Variants in CDH1 observed in about 807,000 individuals in gnomAD.
CDH1 encodes cadherin 1.
Under a neutral mutation model 84.5 loss-of-function variants are expected in CDH1, and 35 were observed. That is an observed-to-expected ratio of 0.41 (90% CI 0.32 to 0.55). The LOEUF (loss-of-function observed/expected upper bound fraction) is 0.55. Among genes scored for constraint, CDH1 ranks in the 20% least tolerant of loss-of-function variants. The pLI is 0.19. For synonymous variants in CDH1, 417 were observed against 439.0 expected (o/e 0.95, Z 0.63); for missense variants, 994 against 1,126.6 (o/e 0.88, Z 1.68).
chr16:68,754,266 C>CCAG (rs1962965596), intron 2 of CDH1, among the ~76,000 whole-genome samples: 1 of 151,896 alleles, frequency 6.6e-6, no homozygotes, highest in Admixed American at 6.6e-5. Flanking sequence ...TAAAAATTAG[C>CCAG]CAGGCCTGGT....
chr16:68,827,441 AT>A (rs35191298), intron 13 of CDH1, among the ~76,000 whole-genome samples: 17 of 148,516 alleles, frequency 1.1e-4, no homozygotes, highest in African/African-American at 3.5e-4. Context: ...TGCTTTAGAG[AT>A]TTTTTTTTTA....
chr16:68,745,522 A>C (rs1431217472), intron 2 of CDH1, among the ~76,000 whole-genome samples: 1 of 121,966 alleles, frequency 8.2e-6, no homozygotes, highest in Admixed American at 8.7e-5. Flanking sequence ...CAGCTGATAG[A>C]GATCCTGTCT....
intron 13 of CDH1, among the ~76,000 whole-genome samples, chr16:68,827,869 T>C (rs1961362213): frequency 6.6e-6 from 1 of 152,216 alleles, no homozygotes; most frequent in African/African-American, 2.4e-5. Context: ...CTGTCCTTAC[T>C]GTTTCCTCTG....
intron 2 of CDH1, among the ~76,000 whole-genome samples, chr16:68,796,879 T>G (rs1161274715): frequency 1.3e-5 from 2 of 152,202 alleles, no homozygotes; most frequent in Non-Finnish European, 2.9e-5. Context: ...TACTTGTATC[T>G]GTAATCCCAG....
intron 2 of CDH1, among the ~76,000 whole-genome samples, chr16:68,783,400 A>AG (rs1288078353): frequency 1.5e-5 from 2 of 135,456 alleles, no homozygotes; most frequent in African/African-American, 5.5e-5. Context: ...AAAAAAAAAA[A>AG]AAAAGAAAAA....
rs863224397 is a variant in CDH1, at chr16:68,810,199, C to G, written c.690C>G (p.Leu230=). 6.2e-7 allele frequency: 1 copy of G among 1,614,174 alleles called. No homozygotes were observed. Among genetic ancestry groups the G allele is most frequent in the Non-Finnish European group, 8.5e-7 (1 of 1,180,026 alleles). ...TCACCCTCACTTGGTTCTTTCAGCT[C>G]TTCTCTCACGCTGTGTCATCCAACG... ...LDRERIATYT[L]FSHAVSSNGN... The change falls in exon 6 of 16, where the codon CTC becomes CTG. Residue 230 remains leucine (L), a splice_region_variant and synonymous_variant. Transcript: ENST00000261769.
chr16:68,761,656 G>C (rs1250031697), intron 2 of CDH1, among the ~76,000 whole-genome samples: 1 of 152,184 alleles, frequency 6.6e-6, no homozygotes, highest in Non-Finnish European at 1.5e-5. Flanking sequence ...GCATTGCTGG[G>C]AAGTACTAGG....
In CDH1 at chr16:68,811,855, G is replaced by A. The variant is rs373364873; in HGVS notation, c.1004G>A (p.Arg335Gln). Reference sequence around the variant, plus strand: ...AGTGTGGTCACCACTGGGCTGGACCGAGAGGTCAGGGGTCAGGAGGATCCA... The same window carrying A: ...AGTGTGGTCACCACTGGGCTGGACCAAGAGGTCAGGGGTCAGGAGGATCCA... The part of the protein sequence containing the change: ...VISVVTTGLD[R>Q]ESFPTYTLVV... Residue 335 changes from arginine (R) to glutamine (Q), a missense_variant, in exon 7 of 16, where the codon CGA becomes CAA. Physicochemically the swap from Arg to Gln is conservative, Grantham distance 43. Around this residue, in one of 3 missense-constraint regions of CDH1, gnomAD observed 769 missense variants for 881.8 expected, o/e 0.87. Transcript: ENST00000261769. 35 of 1,614,082 alleles carry A rather than the reference G, an allele frequency of 2.2e-5. 1 individual carries two copies. The highest frequency in any genetic ancestry group is 6.7e-5 in the Admixed American group (4 of 60,016).
chr16:68,821,366 T>C (rs748958081), intron 11 of CDH1, among the ~76,000 whole-genome samples: 1 of 150,784 alleles, frequency 6.6e-6, no homozygotes, highest in Non-Finnish European at 1.5e-5. Flanking sequence ...TCTCAGCTAC[T>C]AGGGAGGCAG....
rs1960720189 is a variant in CDH1, at chr16:68,808,291, G to T, written c.388-133G>T. 3 of 881,044 alleles carry T rather than the reference G, an allele frequency of 3.4e-6. No homozygotes were observed. The South Asian group carries it at 4.2e-5, about 12-fold the overall frequency. The allele number at this position is 881,044 out of a possible 1,614,324, so 54.6% of individuals were successfully genotyped here. A position where few individuals can be genotyped will look rare whatever the true frequency, so the allele number is the denominator to read the frequency against. Reference sequence around the variant, plus strand: ...TATATATAATTTGTCATTGATAAGAGAATGTGTCATTAAATTCAAACTGTA... The same window carrying T: ...TATATATAATTTGTCATTGATAAGATAATGTGTCATTAAATTCAAACTGTA... On this transcript the variant is annotated intron_variant, in intron 3 of 15. Coordinates refer to ENST00000261769, the MANE Select transcript of CDH1 (RefSeq NM_004360.5).
rs535515382 is a variant in CDH1 at position 68,745,809 on chromosome 16, T to C, written c.163+7398T>C. On this transcript the variant is annotated intron_variant, in intron 2 of 15. Transcript: ENST00000261769. ...ATCTCCAAGGGTGGAGATCTGAACT[T>C]GACATTTACTTACTTATTTATTTTT... 1.2e-4 allele frequency among the ~76,000 whole-genome samples: 18 copies of C among 151,598 alleles called. 1 individual carries two copies. In the Admixed American group the frequency reaches 1.2e-3, roughly 10 times the overall value.
chr16:68,804,730 G>A (rs1960605708), intron 3 of CDH1, among the ~76,000 whole-genome samples: 1 of 151,472 alleles, frequency 6.6e-6, no homozygotes, highest in African/African-American at 2.4e-5. Context: ...GGAACCAGGT[G>A]GTACTGTAAT....
chr16:68,811,709 C>T lies in CDH1; in HGVS notation c.858C>T (p.Ala286=). The T allele has an allele frequency of 1.2e-6, 2 of 1,614,062 alleles. No individual in the cohort carries two copies. Among genetic ancestry groups the T allele is most frequent in the Non-Finnish European group, 1.7e-6 (2 of 1,180,014 alleles). ...LPGTSVMEVT[A]TDADDDVNTY... is the part of the protein sequence containing the mutation. ...GAACCTCTGTGATGGAGGTCACAGCCACAGACGCGGACGATGATGTGAACA... is the reference window on the plus strand; with the variant it reads ...GAACCTCTGTGATGGAGGTCACAGCTACAGACGCGGACGATGATGTGAACA... The change falls in exon 7 of 16, where the codon GCC becomes GCT. Residue 286 remains alanine, a synonymous_variant. Transcript: ENST00000261769.
At chr16:68,805,898 G>A (rs958306342) in intron 3 of CDH1, among the ~76,000 whole-genome samples, 1 of 152,082 alleles carries the variant, frequency 6.6e-6, no homozygotes, top group Non-Finnish European at 1.5e-5. Context: ...ACCAGGCCTG[G>A]CCAAGGTGGC....
At position 68,814,795 on chromosome 16, in the gene CDH1, C is replaced by T. The variant is rs569087661; in HGVS notation, c.1321-720C>T. On this transcript the variant is annotated intron_variant, in intron 9 of 15. Coordinates refer to ENST00000261769, the MANE Select transcript of CDH1 (RefSeq NM_004360.5). ...ACTAGCCAAGCGCAGTAGTGTATGG[C>T]GGTGGGCCCAACTACTTGGGAGGCT... is the stretch of plus-strand genomic sequence containing the variant. Among the ~76,000 whole-genome samples the T allele has an allele frequency of 7.9e-5, 12 of 151,798 alleles. 1 individual carries two copies. The highest frequency in any genetic ancestry group is 6.3e-4 in the South Asian group (3 of 4,772).
intron 3 of CDH1, 31 bp from the exon 4 acceptor site, chr16:68,808,393 T>G: frequency 6.2e-7 from 1 of 1,613,882 alleles, no homozygotes; most frequent in South Asian, 1.1e-5. Context: ...TTGAATTGTC[T>G]TATCTTGTTC....
intron 10 of CDH1, among the ~76,000 whole-genome samples, chr16:68,818,533 CTTTTTTTT>C (rs869272949): frequency 1.6e-5 from 2 of 123,350 alleles, no homozygotes. Flanking sequence ...TCTTGGTTTT[CTTTTTTTT>C]TTTTTTTTTT....
intron 2 of CDH1, among the ~76,000 whole-genome samples, chr16:68,749,864 C>T (rs1185448587): frequency 6.6e-6 from 1 of 152,362 alleles, no homozygotes; most frequent in African/African-American, 2.4e-5. Context: ...CCAAACTCAG[C>T]ATCTCCAGTG....
Position 68,810,566 on chromosome 16 carries a change from AT to A in CDH1, c.832+239del, listed in dbSNP as rs5817654. ...AACAATCTTCCCTTTTTTATTATTA[AT>A]TTTTTTTTTTTTTAGGCTGGGCATG... On this transcript the variant is annotated intron_variant, in intron 6 of 15. Transcript: ENST00000261769. Among the ~76,000 whole-genome samples, 7,627 of 146,346 alleles carry A rather than the reference AT, an allele frequency of 0.052. 251 individuals are homozygous for A. Among genetic ancestry groups the A allele is most frequent in the Non-Finnish European group, 0.072 (4,752 of 66,268 alleles).
Sources: gnomAD v4.1 joint callset for allele counts (sites outside exome capture counted in the v4.1 genomes callset) on GRCh38, gnomAD v4.1.1 for gene constraint, gnomAD v4.1.1 regional missense constraint, MANE v1.5 for transcripts, NCBI Gene and HGNC (gene_info 2026-07-23, HGNC 2026-07-21) for gene names.